Variants in PIAS2 observed in about 807,000 individuals in gnomAD.
The protein encoded by PIAS2 is E3 SUMO-protein ligase PIAS2.
In PIAS2, 19 loss-of-function variants were observed where a neutral mutation model predicts 69.7. The observed-to-expected ratio is 0.27, with a 90% confidence interval of 0.19 to 0.40. The LOEUF (loss-of-function observed/expected upper bound fraction) is 0.40. PIAS2 is among the 10% of genes least tolerant of loss of function. PIAS2 has a pLI of 1.00. For synonymous variants in PIAS2, 261 were observed against 263.2 expected (o/e 0.99, Z 0.08); for missense variants, 624 against 757.0 (o/e 0.82, Z 2.06).
chr18:46,896,220 C>A (rs2054864699), intron 1 of PIAS2, among the ~76,000 whole-genome samples: 1 of 132,112 alleles, frequency 7.6e-6, no homozygotes, highest in Non-Finnish European at 1.6e-5. Flanking sequence ...AAGTCAGATC[C>A]ACAAAAGGGA....
chr18:46,823,259 GT>G (rs372284726), intron 11 of PIAS2, among the ~76,000 whole-genome samples: 250 of 148,586 alleles, frequency 1.7e-3, no homozygotes, highest in South Asian at 3.6e-3. Context: ...AACCTATCGT[GT>G]TTTTTTTTTC....
intron 1 of PIAS2, chr18:46,891,597 AC>A (rs1211140524): frequency 1.5e-6 from 1 of 654,004 alleles, no homozygotes; most frequent in East Asian, 1.4e-4. Flanking sequence ...CAAACAAACA[AC>A]ATAATAAAGA....
At position 46,875,431 on chromosome 18, in the gene PIAS2, T is replaced by C. The variant is rs537462509; in HGVS notation, c.500-11183A>G. 2.4e-3 allele frequency among the ~76,000 whole-genome samples: 366 copies of C among 152,282 alleles called. 17 individuals are homozygous for C. The highest frequency in any genetic ancestry group is 1.8e-3 in the Non-Finnish European group (122 of 68,020). On this transcript the variant is annotated intron_variant, in intron 2 of 13. Coordinates refer to ENST00000585916, the MANE Select transcript of PIAS2 (RefSeq NM_004671.5). ...CCCCTTATCCCCTTGTTGCTAATTA[T>C]AGATAATCCCCAAACAATGGCCCAA...
At position 46,807,856 on chromosome 18, in the gene PIAS2, ACCACCCTT is replaced by A. The variant is rs2040787014; in HGVS notation, c.*4569_*4576del. On this transcript the variant is annotated 3_prime_UTR_variant, in exon 14 of 14. Coordinates refer to ENST00000585916, the MANE Select transcript of PIAS2 (RefSeq NM_004671.5). ...GCATGTTCTTGGAAAATATGGCTAG[ACCACCCTT>A]CCCATACCATCTAGCTGCAGTATAA... 6.6e-6 allele frequency: 1 copy of A among 152,192 alleles called. No individual in the cohort carries two copies. The highest frequency in any genetic ancestry group is 1.5e-5 in the Non-Finnish European group (1 of 68,042). The allele number at this position is 152,192 out of a possible 1,614,324, so 9.4% of individuals were successfully genotyped here. A position where few individuals can be genotyped will look rare whatever the true frequency, so the allele number is the denominator to read the frequency against.
chr18:46,909,768 G>A (rs2057048128), intron 1 of PIAS2, among the ~76,000 whole-genome samples: 1 of 152,222 alleles, frequency 6.6e-6, no homozygotes, highest in Admixed American at 6.5e-5. Context: ...CACTAAGTGA[G>A]ATCAACAAAG....
At chr18:46,824,769 A>G (rs2042607336) in intron 11 of PIAS2, among the ~76,000 whole-genome samples, 1 of 151,858 alleles carries the variant, frequency 6.6e-6, no homozygotes, top group Admixed American at 6.6e-5. Flanking sequence ...TTGGCAGGCC[A>G]AGACAGGTGG....
intron 2 of PIAS2, among the ~76,000 whole-genome samples, chr18:46,889,433 T>C (rs1404723197): frequency 1.3e-5 from 2 of 152,130 alleles, no homozygotes; most frequent in African/African-American, 2.4e-5. Flanking sequence ...GACTTGGCTA[T>C]ACATTTCTTG....
At position 46,807,102 on chromosome 18, in the gene PIAS2, C is replaced by T. The variant is rs2040723437; in HGVS notation, c.*5331G>A. ...CAGTTTGGGGATGGAATGCCTTTGGCTCAGTAGATTCTACTGGCTTTGGGG... is the reference window on the plus strand; with the variant it reads ...CAGTTTGGGGATGGAATGCCTTTGGTTCAGTAGATTCTACTGGCTTTGGGG... On this transcript the variant is annotated 3_prime_UTR_variant, in exon 14 of 14. Coordinates refer to ENST00000585916, the MANE Select transcript of PIAS2 (RefSeq NM_004671.5). 6.6e-6 allele frequency: 1 copy of T among 151,488 alleles called. No individual in the cohort carries two copies. 9.4% of individuals were successfully genotyped at this position (151,488 alleles called of 1,614,324 possible).
At chr18:46,830,328 T>C (rs781159038) in intron 9 of PIAS2, among the ~76,000 whole-genome samples, 2 of 152,064 alleles carry the variant, frequency 1.3e-5, no homozygotes, top group Non-Finnish European at 2.9e-5. Flanking sequence ...TTAAAATAAG[T>C]GTATTTGAAT....
intron 12 of PIAS2, chr18:46,816,939 A>G (rs1420913588): frequency 2.1e-6 from 2 of 935,458 alleles, no homozygotes; most frequent in African/African-American, 1.8e-5. Flanking sequence ...ATAATATTCA[A>G]TAAATCCTCT....
intron 1 of PIAS2, among the ~76,000 whole-genome samples, chr18:46,896,527 G>A (rs181329604): frequency 6.6e-6 from 1 of 152,256 alleles, no homozygotes; most frequent in African/African-American, 2.4e-5. Flanking sequence ...AAAAGCCAGG[G>A]AGTAAAATAC....
At chr18:46,829,500 G>A (rs1317931063) in intron 10 of PIAS2, among the ~76,000 whole-genome samples, 1 of 152,126 alleles carries the variant, frequency 6.6e-6, no homozygotes, top group Non-Finnish European at 1.5e-5. Context: ...GATTTTAGAT[G>A]AATGTTTCCT....
At chr18:46,901,354 A>T (rs1319783788) in intron 1 of PIAS2, 1 of 245,512 alleles carries the variant, frequency 4.1e-6, no homozygotes, top group Admixed American at 5.2e-5. Flanking sequence ...CGTTGTGGTG[A>T]GCCAGGATCA....
chr18:46,817,839 G>GAATTTTA, intron 12 of PIAS2: 1 of 959,320 alleles, frequency 1.0e-6, no homozygotes, highest in South Asian at 4.8e-5. Context: ...AAGTCTTCTT[G>GAATTTTA]CATTTTACAT....
chr18:46,916,930 T>C, intron 1 of PIAS2: 1 of 985,536 alleles, frequency 1.0e-6, no homozygotes, highest in Non-Finnish European at 1.2e-6. Flanking sequence ...CATGCAGACT[T>C]GTGAATAGCC....
intron 8 of PIAS2, 61 bp downstream of exon 8, chr18:46,843,993 T>C (rs2045796119): frequency 2.1e-6 from 2 of 938,536 alleles, no homozygotes; most frequent in Non-Finnish European, 3.2e-6. Flanking sequence ...CTTACTTTTA[T>C]AGGAAAGTTA....
chr18:46,885,559 T>C (rs1040797032), intron 2 of PIAS2, among the ~76,000 whole-genome samples: 10 of 152,040 alleles, frequency 6.6e-5, no homozygotes, highest in African/African-American at 2.2e-4. Context: ...ATACTCATTA[T>C]GGTTTTTTGA....
In PIAS2 at chr18:46,880,411, C is replaced by T. The variant is rs569672099; in HGVS notation, c.499+10169G>A. 7.2e-4 allele frequency among the ~76,000 whole-genome samples: 109 copies of T among 151,886 alleles called. 1 individual carries two copies. In the South Asian group the frequency reaches 0.022, roughly 31 times the overall value. On this transcript the variant is annotated intron_variant, in intron 2 of 13. Transcript: ENST00000585916. ...AAAAAAACAAAACAAAACAAAACAA[C>T]TGGGCAGGGCAAGGTACAGTGACAC...
intron 3 of PIAS2, among the ~76,000 whole-genome samples, chr18:46,856,094 C>T (rs2145458182): frequency 6.7e-6 from 1 of 149,602 alleles, no homozygotes; most frequent in South Asian, 2.1e-4. Context: ...CAAGCTCCGC[C>T]TCCCGGGTTC....
Sources: gnomAD v4.1 joint callset for allele counts (sites outside exome capture counted in the v4.1 genomes callset) on GRCh38, gnomAD v4.1.1 for gene constraint, MANE v1.5 for transcripts, NCBI Gene and HGNC (gene_info 2026-07-23, HGNC 2026-07-21) for gene names.